Variants in USP12 observed in about 807,000 individuals in gnomAD.
USP12 encodes the protein ubiquitin carboxyl-terminal hydrolase 12.
A neutral mutation model predicts 45.5 loss-of-function variants in USP12; 19 were observed. The observed-to-expected ratio is 0.42, with a 90% confidence interval of 0.29 to 0.61. USP12 has a LOEUF of 0.61. Among genes scored for constraint, USP12 ranks in the 20% least tolerant of loss-of-function variants. USP12 has a pLI of 0.22. For missense variants in USP12, 242 were observed against 447.7 expected (o/e 0.54, Z 4.15); for synonymous variants, 149 against 148.8 (o/e 1.00, Z -0.01).
intron 1 of USP12, among the ~76,000 whole-genome samples, chr13:27,131,159 A>G (rs144935760): frequency 8.3e-4 from 127 of 152,374 alleles, no homozygotes; most frequent in African/African-American, 2.8e-3. Context: ...AGCAGTCAAT[A>G]TGGGAACTTG....
At chr13:27,153,288 CAGA>C (rs1566005290) in intron 1 of USP12, among the ~76,000 whole-genome samples, 3 of 152,144 alleles carry the variant, frequency 2.0e-5, no homozygotes, top group African/African-American at 7.2e-5. Flanking sequence ...GCCTGGGCAA[CAGA>C]GTGAGACTCC....
intron 1 of USP12, among the ~76,000 whole-genome samples, chr13:27,150,907 C>T (rs762422535): frequency 2.0e-5 from 3 of 152,090 alleles, no homozygotes; most frequent in Non-Finnish European, 4.4e-5. Context: ...AAACTAACTC[C>T]AAACAGATCA....
rs1258972239 is a variant in USP12 at position 27,116,576 on chromosome 13, T to C, written c.69A>G (p.Leu23=). 15 of 1,612,638 alleles carry C rather than the reference T, an allele frequency of 9.3e-6. No individual in the cohort carries two copies. Among genetic ancestry groups the C allele is most frequent in the Non-Finnish European group, 1.3e-5 (15 of 1,179,888 alleles). ...ACTGTTCTGGACCAATCTCTTTCTC[T>C]AATGCCGAAGCATTGGCGCCCTATA... ...ICTMGANASA[L]EKEIGPEQFP... is the part of the protein sequence containing the mutation. Residue 23 remains leucine, a synonymous_variant, in exon 2 of 9, where the codon TTA becomes TTG. Coordinates refer to ENST00000282344, the MANE Select transcript of USP12 (RefSeq NM_182488.4).
intron 1 of USP12, among the ~76,000 whole-genome samples, chr13:27,167,449 C>A (rs182312802): frequency 6.6e-6 from 1 of 151,964 alleles, no homozygotes; most frequent in Non-Finnish European, 1.5e-5. Context: ...TCTATTAATA[C>A]TTCTTCTAAA....
At chr13:27,076,391 T>C (rs578237003) in intron 6 of USP12, among the ~76,000 whole-genome samples, 2 of 152,224 alleles carry the variant, frequency 1.3e-5, no homozygotes, top group Non-Finnish European at 2.9e-5. Flanking sequence ...GTACTCCTAC[T>C]TCACCTAAAA....
intron 7 of USP12, among the ~76,000 whole-genome samples, chr13:27,074,828 T>C (rs1873402576): frequency 6.6e-6 from 1 of 152,210 alleles, no homozygotes; most frequent in Non-Finnish European, 1.5e-5. Flanking sequence ...AAATGCTTTT[T>C]ACAACCATTG....
chr13:27,149,718 C>T lies in USP12; in HGVS notation c.48+21874G>A, dbSNP rs541834085. Among the ~76,000 whole-genome samples, 3 of 152,270 alleles carry T rather than the reference C, an allele frequency of 2.0e-5. No homozygotes were observed. In the South Asian group the frequency reaches 6.2e-4, roughly 32 times the overall value. ...TTCTAGTGTTCTACAGCAACAGTCC[C>T]CAACCTTTTCGGCATCAGGAACCAG... On this transcript the variant is annotated intron_variant, in intron 1 of 8. Transcript: ENST00000282344.
intron 2 of USP12, among the ~76,000 whole-genome samples, chr13:27,110,803 C>T (rs188843089): frequency 2.1e-4 from 32 of 152,140 alleles, no homozygotes; most frequent in East Asian, 5.8e-4. Context: ...ATCAAGCTAA[C>T]GACCAACAAA....
At chr13:27,070,256 CATA>C (rs1340890878) in intron 8 of USP12, among the ~76,000 whole-genome samples, 2 of 152,094 alleles carry the variant, frequency 1.3e-5, no homozygotes, top group African/African-American at 4.8e-5. Flanking sequence ...CAAAATTAAT[CATA>C]ATGATAGAAG....
In USP12 at chr13:27,129,116, C is replaced by CAT. The variant is rs763101037; in HGVS notation, c.49-12522_49-12521dup. On this transcript the variant is annotated intron_variant, in intron 1 of 8. Coordinates refer to ENST00000282344, the MANE Select transcript of USP12 (RefSeq NM_182488.4). The surrounding 1 kb of genome is among the most constrained non-coding windows in gnomAD (Gnocchi z 4.0). ...TACACTTCAAATAAAAAAAAGTACT[C>CAT]ATATTGTGAACTATCTAGAAAGAGT... Among the ~76,000 whole-genome samples the CAT allele has an allele frequency of 4.6e-5, 7 of 151,976 alleles. No homozygotes were observed. Among genetic ancestry groups the CAT allele is most frequent in the Non-Finnish European group, 8.8e-5 (6 of 68,004 alleles).
At chr13:27,104,841 C>T (rs1875052415) in intron 3 of USP12, among the ~76,000 whole-genome samples, 1 of 152,164 alleles carries the variant, frequency 6.6e-6, no homozygotes, top group Non-Finnish European at 1.5e-5. Context: ...TGCTTGTGAG[C>T]GTCTACTTAA....
In USP12 at chr13:27,134,658, AAAG is replaced by A. The variant is rs1287116507; in HGVS notation, c.49-18065_49-18063del. ...CAAATAAACAATTATGAGTGCCATT[AAAG>A]AAGAACTTGAACAGTTTATTAATTA... On this transcript the variant is annotated intron_variant, in intron 1 of 8. Transcript: ENST00000282344. 3.3e-5 allele frequency among the ~76,000 whole-genome samples: 5 copies of A among 152,300 alleles called. No individual in the cohort carries two copies. The South Asian group carries it at 6.2e-4, about 19-fold the overall frequency.
Position 27,157,667 on chromosome 13 carries a change from CTT to C in USP12, c.48+13923_48+13924del, listed in dbSNP as rs147952536. Among the ~76,000 whole-genome samples the C allele has an allele frequency of 5.9e-3, 892 of 152,232 alleles. 9 individuals carry two copies. The highest frequency in any genetic ancestry group is 0.02 in the African/African-American group (848 of 41,540). ...TTTAATCACTTAACCTTATTTCTCT[CTT>C]GTTATTTTAATTCACTTCTCACTTC... On this transcript the variant is annotated intron_variant, in intron 1 of 8. Coordinates refer to ENST00000282344, the MANE Select transcript of USP12 (RefSeq NM_182488.4).
chr13:27,168,288 G>A (rs1878436276), intron 1 of USP12, among the ~76,000 whole-genome samples: 1 of 152,072 alleles, frequency 6.6e-6, no homozygotes, highest in African/African-American at 2.4e-5. Flanking sequence ...TCCCAACAAC[G>A]CCTTCCTAAC....
chr13:27,088,755 C>A (rs1257267620), intron 6 of USP12, among the ~76,000 whole-genome samples: 8 of 152,140 alleles, frequency 5.3e-5, no homozygotes, highest in Non-Finnish European at 8.8e-5. Context: ...CTTCTGGGTG[C>A]TTGCCTGGCT....
intron 1 of USP12, among the ~76,000 whole-genome samples, chr13:27,155,916 T>C (rs1454333993): frequency 6.6e-6 from 1 of 152,212 alleles, no homozygotes; most frequent in African/African-American, 2.4e-5. Context: ...TATTTCTATG[T>C]AGCTTCAAAT....
rs553018840 is a variant in USP12 at position 27,149,678 on chromosome 13, G to A, written c.48+21914C>T. On this transcript the variant is annotated intron_variant, in intron 1 of 8. Coordinates refer to ENST00000282344, the MANE Select transcript of USP12 (RefSeq NM_182488.4). ...GTTAATGAATACAAAATTACAGCTC[G>A]ATAGGAGGAATAAGTTCTAGTGTTC... Among the ~76,000 whole-genome samples the A allele has an allele frequency of 1.4e-4, 22 of 152,266 alleles. No homozygotes were observed. In the South Asian group the frequency reaches 2.3e-3, roughly 16 times the overall value.
At chr13:27,097,166 T>TA (rs538221942) in intron 3 of USP12, among the ~76,000 whole-genome samples, 204 of 136,792 alleles carry the variant, frequency 1.5e-3, no homozygotes, top group African/African-American at 3.2e-3. Flanking sequence ...ATAGTAAGTT[T>TA]AAAAAAAAAA....
chr13:27,099,495 T>C (rs1244844624), intron 3 of USP12, among the ~76,000 whole-genome samples: 1 of 152,160 alleles, frequency 6.6e-6, no homozygotes, highest in East Asian at 1.9e-4. Context: ...AAAGTTCATT[T>C]CCTGCATGTC....
Sources: allele counts gnomAD v4.1 joint callset (sites outside exome capture counted in the v4.1 genomes callset), GRCh38; gene constraint gnomAD v4.1.1; non-coding constraint Gnocchi (gnomAD v3.1); transcripts MANE v1.5; gene names NCBI Gene and HGNC (gene_info 2026-07-23, HGNC 2026-07-21).